The following RAP1GDS1 variants were observed in gnomAD, a reference collection of about 807,000 sequenced individuals.
RAP1GDS1 encodes the protein Rap1 GTPase-GDP dissociation stimulator 1.
A neutral mutation model predicts 71.1 loss-of-function variants in RAP1GDS1; 35 were observed. The ratio of observed to expected loss-of-function variants is 0.49; its 90% confidence interval spans 0.38 to 0.65. RAP1GDS1 has a LOEUF of 0.65. Ranked by LOEUF, RAP1GDS1 falls within the 30% of genes least tolerant of loss-of-function variation. RAP1GDS1 has a pLI of 0.00. For synonymous variants in RAP1GDS1, 229 were observed against 243.1 expected (o/e 0.94, Z 0.54); for missense variants, 663 against 706.1 (o/e 0.94, Z 0.69).
At chr4:98,402,593 C>T (rs936587936) in intron 6 of RAP1GDS1, among the ~76,000 whole-genome samples, 5 of 152,092 alleles carry the variant, frequency 3.3e-5, no homozygotes, top group African/African-American at 1.2e-4. Context: ...GATCCGTTGA[C>T]AATGTGCACC....
chr4:98,303,386 CTT>C (rs1321605153), intron 2 of RAP1GDS1, among the ~76,000 whole-genome samples: 3 of 151,794 alleles, frequency 2.0e-5, no homozygotes, highest in Admixed American at 6.6e-5. Flanking sequence ...ATTTCAAAGA[CTT>C]AGTACAAATT....
intron 2 of RAP1GDS1, among the ~76,000 whole-genome samples, chr4:98,301,978 G>C (rs1489702035): frequency 1.3e-5 from 2 of 151,996 alleles, no homozygotes; most frequent in Non-Finnish European, 2.9e-5. Context: ...TAAAAATCCT[G>C]GATATTTATC....
chr4:98,285,446 A>G (rs1311889272), intron 1 of RAP1GDS1, among the ~76,000 whole-genome samples: 3 of 152,184 alleles, frequency 2.0e-5, no homozygotes, highest in Non-Finnish European at 4.4e-5. Flanking sequence ...GTCAATTAGT[A>G]CTTTTAAATT....
chr4:98,357,134 A>G (rs560165155), intron 4 of RAP1GDS1, among the ~76,000 whole-genome samples: 1 of 152,076 alleles, frequency 6.6e-6, no homozygotes, highest in South Asian at 2.1e-4. Context: ...ATATATTTGC[A>G]ACAGTTATAT....
chr4:98,348,032 T>G (rs554600262), intron 3 of RAP1GDS1, among the ~76,000 whole-genome samples: 3 of 152,306 alleles, frequency 2.0e-5, no homozygotes, highest in South Asian at 2.1e-4. Flanking sequence ...TTGTTACATA[T>G]GTACACATGT....
chr4:98,399,182 ACGT>A (rs1744990249), intron 6 of RAP1GDS1, among the ~76,000 whole-genome samples: 1 of 152,204 alleles, frequency 6.6e-6, no homozygotes. Context: ...TATGTATAAG[ACGT>A]CAGAACACAG....
intron 1 of RAP1GDS1, 153 bp from the exon 2 acceptor site, chr4:98,293,255 A>G: frequency 4.1e-6 from 2 of 483,436 alleles, no homozygotes; most frequent in South Asian, 4.2e-5. Context: ...AATTTTTTTA[A>G]TAGTACAGTC....
At chr4:98,435,079 G>A (rs534914001) in intron 13 of RAP1GDS1, among the ~76,000 whole-genome samples, 1 of 152,296 alleles carries the variant, frequency 6.6e-6, no homozygotes, top group African/African-American at 2.4e-5. Flanking sequence ...TAAGGCCTAA[G>A]GCTGCTTAAC....
At chr4:98,366,222 T>C (rs1363946899) in intron 4 of RAP1GDS1, among the ~76,000 whole-genome samples, 1 of 152,152 alleles carries the variant, frequency 6.6e-6, no homozygotes, top group Non-Finnish European at 1.5e-5. Context: ...ATTTTCGTGA[T>C]AGTAAGTCTC....
chr4:98,332,153 C>A (rs1056216427), intron 2 of RAP1GDS1, among the ~76,000 whole-genome samples: 1 of 152,074 alleles, frequency 6.6e-6, no homozygotes, highest in African/African-American at 2.4e-5. Context: ...GGAAGTTGAA[C>A]CTGATGAAAA....
At chr4:98,321,580 A>T (rs1731904174) in intron 2 of RAP1GDS1, among the ~76,000 whole-genome samples, 1 of 151,702 alleles carries the variant, frequency 6.6e-6, no homozygotes, top group African/African-American at 2.4e-5. Context: ...CTCTCGGCAG[A>T]AACCCTACAA....
intron 4 of RAP1GDS1, among the ~76,000 whole-genome samples, chr4:98,375,683 A>G (rs571260902): frequency 2.0e-5 from 3 of 152,264 alleles, no homozygotes; most frequent in South Asian, 4.1e-4. Flanking sequence ...AGTCCAACGT[A>G]TGTGTGTGTG....
intron 2 of RAP1GDS1, among the ~76,000 whole-genome samples, chr4:98,295,048 AT>A (rs1359538542): frequency 1.3e-5 from 2 of 152,050 alleles, no homozygotes; most frequent in Non-Finnish European, 2.9e-5. Context: ...GAGGTTGCCC[AT>A]TTGTCTCCTA....
chr4:98,296,343 A>G (rs1355512488), intron 2 of RAP1GDS1, among the ~76,000 whole-genome samples: 5 of 152,110 alleles, frequency 3.3e-5, no homozygotes, highest in African/African-American at 1.2e-4. Flanking sequence ...AATGACTGTA[A>G]TCTGAAATTA....
Position 98,377,372 on chromosome 4 carries a change from A to G in RAP1GDS1, c.362-1645A>G, listed in dbSNP as rs138056086. ...TAGATAATTTACATCTATGTTATGG[A>G]AAACAAAAATTTGGAAATTAGATTT... is the stretch of plus-strand genomic sequence containing the variant. On this transcript the variant is annotated intron_variant, in intron 4 of 14. Transcript: ENST00000408927. Among the ~76,000 whole-genome samples the G allele has an allele frequency of 3.6e-3, 540 of 152,012 alleles. 3 individuals are homozygous for G. Among genetic ancestry groups the G allele is most frequent in the African/African-American group, 0.012 (506 of 41,538 alleles).
intron 1 of RAP1GDS1, among the ~76,000 whole-genome samples, chr4:98,277,452 T>G (rs1455883457): frequency 6.6e-6 from 1 of 152,244 alleles, no homozygotes; most frequent in African/African-American, 2.4e-5. Context: ...TTATTTCTCA[T>G]TACTCTCTGG....
chr4:98,362,101 C>G lies in RAP1GDS1; in HGVS notation c.361+9500C>G, dbSNP rs550033786. Reference sequence around the variant, plus strand: ...GTACATAATAGAAATTCACTGTTGGCAAAATTATAGGGGGAAATGTAAGCA... The same window carrying G: ...GTACATAATAGAAATTCACTGTTGGGAAAATTATAGGGGGAAATGTAAGCA... On this transcript the variant is annotated intron_variant, in intron 4 of 14. Transcript: ENST00000408927. 1.1e-3 allele frequency among the ~76,000 whole-genome samples: 172 copies of G among 152,174 alleles called. 1 individual carries two copies. In the South Asian group the frequency reaches 0.018, roughly 16 times the overall value.
At chr4:98,436,434 G>A (rs975552417) in intron 13 of RAP1GDS1, among the ~76,000 whole-genome samples, 6 of 152,232 alleles carry the variant, frequency 3.9e-5, no homozygotes, top group East Asian at 1.9e-4. Flanking sequence ...TTCCATGTAA[G>A]TTTTAGTATA....
At chr4:98,294,788 A>G (rs946717966) in intron 2 of RAP1GDS1, among the ~76,000 whole-genome samples, 1 of 152,178 alleles carries the variant, frequency 6.6e-6, no homozygotes, top group African/African-American at 2.4e-5. Flanking sequence ...GCACTGGTCT[A>G]GAAACTAGGA....
Sources: allele counts gnomAD v4.1 joint callset (sites outside exome capture counted in the v4.1 genomes callset), GRCh38; gene constraint gnomAD v4.1.1; transcripts MANE v1.5; gene names NCBI Gene and HGNC (gene_info 2026-07-23, HGNC 2026-07-21).